SLC6A11: variants seen among roughly 807,000 people sequenced by gnomAD.
The protein encoded by SLC6A11 is sodium- and chloride-dependent GABA transporter 3.
In SLC6A11, 25 loss-of-function variants were observed where a neutral mutation model predicts 74.8. The ratio of observed to expected loss-of-function variants is 0.33; its 90% CI spans 0.24 to 0.47. SLC6A11 has a LOEUF of 0.47. Among genes scored for constraint, SLC6A11 ranks in the 20% least tolerant of loss-of-function variants. SLC6A11 has a pLI of 1.00. For missense variants in SLC6A11, 574 were observed against 837.0 expected (o/e 0.69, Z 3.88); for synonymous variants, 330 against 330.2 (o/e 1.00, Z 0.01).
chr3:10,855,879 TTTCCTCTCTTCGGTTTTCC>T (rs1254307661), intron 5 of SLC6A11, among the ~76,000 whole-genome samples: 1 of 152,234 alleles, frequency 6.6e-6, no homozygotes, highest in East Asian at 1.9e-4. Context: ...CTTTTCCCTC[TTTCCTCTCTTCGGTTTTCC>T]TTCCTCTTTG....
At chr3:10,896,127 A>G (rs1030686411) in intron 6 of SLC6A11, among the ~76,000 whole-genome samples, 3 of 152,222 alleles carry the variant, frequency 2.0e-5, no homozygotes, top group African/African-American at 4.8e-5. Context: ...CTGTTGCAGC[A>G]TTTCTGGGAC....
chr3:10,936,944 G>A (rs547810051), intron 13 of SLC6A11, among the ~76,000 whole-genome samples: 1 of 152,302 alleles, frequency 6.6e-6, no homozygotes, highest in South Asian at 2.1e-4. Flanking sequence ...TTATTAAAGA[G>A]GGACTTCTTT....
chr3:10,935,037 C>G lies in SLC6A11; in HGVS notation c.1584C>G (p.Phe528Leu), dbSNP rs956753617. 11 of 1,613,906 alleles carry G rather than the reference C, an allele frequency of 6.8e-6. No homozygotes were observed. The highest frequency in any genetic ancestry group is 6.7e-5 in the Admixed American group (4 of 60,008). The change falls in exon 13 of 14, where the codon TTC becomes TTG. Residue 528 changes from phenylalanine to leucine, a missense_variant. Phe to Leu is a conservative substitution (Grantham distance 22). Around this residue, in one of 4 missense-constraint regions of SLC6A11, gnomAD observed 257 missense variants for 341.5 expected, o/e 0.75. Transcript: ENST00000254488. ...IMTPGICAGIFIFFLIKYKPL... is the reference protein window; with the variant it reads ...IMTPGICAGILIFFLIKYKPL... ...CCCCCATCTCTCTGCAGGGGATCTTCATCTTCTTCTTGATCAAGTACAAGC... is the reference window on the plus strand; with the variant it reads ...CCCCCATCTCTCTGCAGGGGATCTTGATCTTCTTCTTGATCAAGTACAAGC...
At chr3:10,872,794 G>C (rs770090030) in intron 5 of SLC6A11, among the ~76,000 whole-genome samples, 1 of 152,178 alleles carries the variant, frequency 6.6e-6, no homozygotes, top group South Asian at 2.1e-4. Flanking sequence ...AGGAGCGAGA[G>C]GCTAACTTAG....
intron 8 of SLC6A11, among the ~76,000 whole-genome samples, chr3:10,922,967 T>C (rs1268199060): frequency 6.6e-6 from 1 of 152,100 alleles, no homozygotes; most frequent in East Asian, 1.9e-4. Context: ...TAGGTAAATA[T>C]TTTATAGATA....
At chr3:10,848,198 G>A (rs1694528647) in intron 5 of SLC6A11, among the ~76,000 whole-genome samples, 1 of 152,230 alleles carries the variant, frequency 6.6e-6, no homozygotes, top group East Asian at 1.9e-4. Flanking sequence ...GGCAGACACT[G>A]TAGACCTGGC....
chr3:10,918,181 G>T lies in SLC6A11; in HGVS notation c.996-148G>T, dbSNP rs1695483978. 5 of 796,688 alleles carry T rather than the reference G, an allele frequency of 6.3e-6. No homozygotes were observed. Among genetic ancestry groups the T allele is most frequent in the Non-Finnish European group, 5.5e-6 (3 of 546,792 alleles). The allele number at this position is 796,688 out of a possible 1,614,324, so 49.4% of individuals were successfully genotyped here. ...CAGCCACCTAACCTCTCTGAACCAT[G>T]AGTGCTCCATCAGAAAAACAGAGCT... On this transcript the variant is annotated intron_variant, in intron 7 of 13. Coordinates refer to ENST00000254488, the MANE Select transcript of SLC6A11 (RefSeq NM_014229.3). This position sits in a 1 kb window ranked among gnomAD's most constrained non-coding sequence, Gnocchi z 4.5.
chr3:10,823,387 T>C lies in SLC6A11; in HGVS notation c.618T>C (p.Phe206=), dbSNP rs960330549. 1.9e-6 allele frequency: 3 copies of C among 1,609,868 alleles called. No homozygotes were observed. The highest frequency in any genetic ancestry group is 1.7e-5 in the Admixed American group (1 of 60,004). The change falls in exon 4 of 14, where the codon TTT becomes TTC. Residue 206 remains phenylalanine, a synonymous_variant. Coordinates refer to ENST00000254488, the MANE Select transcript of SLC6A11 (RefSeq NM_014229.3). ...LQNATSPVME[F]WEHRVLAISD... ...ATGCCACCTCCCCTGTCATGGAGTT[T>C]TGGGAGTAAGTGGAGAAGAACTTGT...
intron 1 of SLC6A11, among the ~76,000 whole-genome samples, 153 bp from the exon 2 acceptor site, chr3:10,819,312 G>A (rs1028125303): frequency 3.9e-5 from 6 of 152,162 alleles, no homozygotes; most frequent in South Asian, 2.1e-4. Context: ...GAAACCTAGC[G>A]CTGTTTTCTG....
intron 6 of SLC6A11, among the ~76,000 whole-genome samples, chr3:10,902,086 C>CTGTGTG (rs3836462): frequency 1.3e-5 from 2 of 150,364 alleles, no homozygotes; most frequent in African/African-American, 4.9e-5. Flanking sequence ...GTGTGTGGGT[C>CTGTGTG]TGTGTGTGTG....
intron 6 of SLC6A11, among the ~76,000 whole-genome samples, chr3:10,909,910 A>C (rs1345446846): frequency 6.6e-6 from 1 of 152,206 alleles, no homozygotes; most frequent in Admixed American, 6.5e-5. Context: ...AGCATCCTTA[A>C]GCTTCTACCA....
At chr3:10,904,240 C>G (rs982421113) in intron 6 of SLC6A11, among the ~76,000 whole-genome samples, 5 of 152,226 alleles carry the variant, frequency 3.3e-5, no homozygotes, top group Admixed American at 3.3e-4. Flanking sequence ...CAAGGAGCTA[C>G]TCTGTGCAGC....
Position 10,864,353 on chromosome 3 carries a change from G to A in SLC6A11, c.757-10608G>A, listed in dbSNP as rs939064078. Among the ~76,000 whole-genome samples the A allele has an allele frequency of 3.6e-4, 54 of 151,578 alleles. 1 individual carries two copies. The highest frequency in any genetic ancestry group is 3.4e-4 in the African/African-American group (14 of 41,408). The stretch of plus-strand genomic sequence containing the variant: ...GTGACCTCTCAGGGTTGGGAGGGGC[G>A]TTTTCCTGTCAGTATCTGAGAAGTC... On this transcript the variant is annotated intron_variant, in intron 5 of 13. Coordinates refer to ENST00000254488, the MANE Select transcript of SLC6A11 (RefSeq NM_014229.3).
intron 4 of SLC6A11, among the ~76,000 whole-genome samples, chr3:10,834,303 C>CT (rs1170506058): frequency 6.6e-6 from 1 of 151,632 alleles, no homozygotes; most frequent in African/African-American, 2.4e-5. Flanking sequence ...TGCTGCCTCT[C>CT]TGCAGCCCTG....
intron 4 of SLC6A11, among the ~76,000 whole-genome samples, chr3:10,832,593 A>G (rs1196232104): frequency 2.6e-5 from 4 of 152,242 alleles, no homozygotes; most frequent in Non-Finnish European, 5.9e-5. Flanking sequence ...CAGATTAAAT[A>G]TAACCTATAA....
At chr3:10,888,126 C>T (rs555472641) in intron 6 of SLC6A11, among the ~76,000 whole-genome samples, 2 of 152,202 alleles carry the variant, frequency 1.3e-5, no homozygotes, top group African/African-American at 4.8e-5. Flanking sequence ...ATGTGAATGC[C>T]TGCTCTTCAT....
At position 10,938,983 on chromosome 3, in the gene SLC6A11, C is replaced by A. The variant is rs925540114; in HGVS notation, c.*581C>A. The A allele has an allele frequency of 7.2e-5, 11 of 152,406 alleles. No individual in the cohort carries two copies. The highest frequency in any genetic ancestry group is 7.2e-4 in the Admixed American group (11 of 15,310). The allele number at this position is 152,406 out of a possible 1,614,324, so 9.4% of individuals were successfully genotyped here. ...CCTCTGCCCTGATCCCATGAAGTGA[C>A]CTTGGGCACTCCCTTTCCCTCCCTG... On this transcript the variant is annotated 3_prime_UTR_variant, in exon 14 of 14. Coordinates refer to ENST00000254488, the MANE Select transcript of SLC6A11 (RefSeq NM_014229.3).
Position 10,850,610 on chromosome 3 carries a change from C to T in SLC6A11, c.756+6264C>T, listed in dbSNP as rs982355399. Among the ~76,000 whole-genome samples, 11 of 152,122 alleles carry T rather than the reference C, an allele frequency of 7.2e-5. 1 individual carries two copies. Among genetic ancestry groups the T allele is most frequent in the Admixed American group, 5.2e-4 (8 of 15,270 alleles). On this transcript the variant is annotated intron_variant, in intron 5 of 13. Coordinates refer to ENST00000254488, the MANE Select transcript of SLC6A11 (RefSeq NM_014229.3). ...AGGATGGGATGGGGCCAGCGAGTGGCACATGTGAAGTCTCAAGTGGGAAGG... is the reference window on the plus strand; with the variant it reads ...AGGATGGGATGGGGCCAGCGAGTGGTACATGTGAAGTCTCAAGTGGGAAGG...
At chr3:10,903,786 T>G (rs1437135946) in intron 6 of SLC6A11, among the ~76,000 whole-genome samples, 1 of 152,216 alleles carries the variant, frequency 6.6e-6, no homozygotes. Context: ...AGGACGGTAC[T>G]GAAGGTTTGT....
Sources: gnomAD v4.1 joint callset for allele counts (sites outside exome capture counted in the v4.1 genomes callset) on GRCh38, gnomAD v4.1.1 for gene constraint, gnomAD v4.1.1 regional missense constraint, Gnocchi (gnomAD v3.1) non-coding constraint, MANE v1.5 for transcripts, NCBI Gene and HGNC (gene_info 2026-07-23, HGNC 2026-07-21) for gene names.